The following PHACTR1 variants were observed in gnomAD, a reference collection of about 807,000 sequenced individuals.
PHACTR1 encodes the protein phosphatase and actin regulator 1.
In PHACTR1, 16 loss-of-function variants were observed where a neutral mutation model predicts 69.2. The observed-to-expected ratio is 0.23, with a 90% confidence interval of 0.16 to 0.35. The LOEUF (loss-of-function observed/expected upper bound fraction) is 0.35, where lower values mean the gene tolerates loss of function less well. PHACTR1 is among the 10% of genes least tolerant of loss of function. The pLI is 1.00. For missense variants in PHACTR1, 510 were observed against 734.7 expected, an observed-to-expected ratio of 0.69 and a Z score of 3.54; for synonymous variants, 312 against 284.5, an observed-to-expected ratio of 1.10 and a Z score of -0.97.
chr6:13,205,861 G>T lies in PHACTR1; in HGVS notation c.711G>T (p.Ser237=). 6.3e-7 allele frequency: 1 copy of T among 1,596,172 alleles called. No individual in the cohort carries two copies. Among genetic ancestry groups the T allele is most frequent in the Non-Finnish European group, 8.6e-7 (1 of 1,165,510 alleles). ...VKLPCLPVKL[S]PPLPPKKVMI... ...TGCCTTGTCTGCCAGTGAAACTGTCGCCTCCGCTACCTCCAAAGAAAGTCA... is the reference window on the plus strand; with the variant it reads ...TGCCTTGTCTGCCAGTGAAACTGTCTCCTCCGCTACCTCCAAAGAAAGTCA... Residue 237 remains serine, a synonymous_variant, in exon 8 of 15, where the codon TCG becomes TCT. Transcript: ENST00000332995.
chr6:13,272,744 G>A (rs747107488), intron 10 of PHACTR1, 116 bp from the exon 11 acceptor site: 2 of 1,611,880 alleles, frequency 1.2e-6, no homozygotes, highest in Non-Finnish European at 8.5e-7. Context: ...CAGAGCACAG[G>A]ATGGAACAAG....
intron 4 of PHACTR1, among the ~76,000 whole-genome samples, chr6:13,009,880 C>T (rs1438653802): frequency 6.6e-6 from 1 of 151,802 alleles, no homozygotes; most frequent in East Asian, 1.9e-4. Flanking sequence ...CCACCACCAC[C>T]ACCACCACCA....
chr6:13,138,963 T>G (rs553435816), intron 5 of PHACTR1, among the ~76,000 whole-genome samples: 3 of 152,222 alleles, frequency 2.0e-5, no homozygotes, highest in African/African-American at 7.2e-5. Context: ...TAAGCTTACG[T>G]TGATTTTCAT....
At chr6:12,779,796 T>G (rs1770585005) in intron 4 of PHACTR1, among the ~76,000 whole-genome samples, 1 of 152,248 alleles carries the variant, frequency 6.6e-6, no homozygotes, top group Non-Finnish European at 1.5e-5. Context: ...CAGCTATATA[T>G]ACTTACATTC....
rs577472526 is a variant in PHACTR1, at chr6:13,084,434, T to A, written c.415+30905T>A. ...ATATCCCTAATGCTAAATGACCAGT[T>A]AATGGGTGCAGCATACCAACCTGGC... On this transcript the variant is annotated intron_variant, in intron 5 of 14. Transcript: ENST00000332995. 4.0e-5 allele frequency among the ~76,000 whole-genome samples: 6 copies of A among 150,824 alleles called. No individual in the cohort carries two copies. The South Asian group carries it at 1.1e-3, about 27-fold the overall frequency.
chr6:13,221,926 C>T (rs778462562), intron 8 of PHACTR1, among the ~76,000 whole-genome samples: 20 of 152,032 alleles, frequency 1.3e-4, no homozygotes, highest in Non-Finnish European at 2.5e-4. Flanking sequence ...ATCCCAGCCA[C>T]CTGGGAGGCT....
intron 4 of PHACTR1, among the ~76,000 whole-genome samples, chr6:12,790,411 A>G (rs1294035753): frequency 6.6e-6 from 1 of 152,126 alleles, no homozygotes; most frequent in African/African-American, 2.4e-5. Flanking sequence ...TCCAGGTATC[A>G]TGTAACTCAC....
chr6:13,272,347 G>GA (rs371335695), intron 10 of PHACTR1: 5 of 156,788 alleles, frequency 3.2e-5, no homozygotes, highest in African/African-American at 9.6e-5. Context: ...GAAATAAGAG[G>GA]AGCAGGACCA....
chr6:12,984,992 T>G (rs962332133), intron 4 of PHACTR1, among the ~76,000 whole-genome samples: 2 of 152,270 alleles, frequency 1.3e-5, no homozygotes, highest in Admixed American at 6.5e-5. Flanking sequence ...GAACTGCTTC[T>G]ATACTTGGCA....
intron 5 of PHACTR1, among the ~76,000 whole-genome samples, chr6:13,086,394 G>C (rs1812310744): frequency 6.6e-6 from 1 of 152,036 alleles, no homozygotes; most frequent in South Asian, 2.1e-4. Flanking sequence ...TACAGTTTTA[G>C]GAGTTTGGCA....
chr6:13,174,015 C>T (rs1197785798), intron 6 of PHACTR1, among the ~76,000 whole-genome samples: 1 of 151,778 alleles, frequency 6.6e-6, no homozygotes, highest in Admixed American at 6.5e-5. Context: ...TAGCTATGCC[C>T]CCTTAATGAG....
At chr6:13,166,092 A>G (rs536983379) in intron 6 of PHACTR1, among the ~76,000 whole-genome samples, 1 of 152,126 alleles carries the variant, frequency 6.6e-6, no homozygotes, top group Non-Finnish European at 1.5e-5. Context: ...CTGGCCCTCG[A>G]GGTTTGCGTT....
chr6:12,913,908 T>C (rs1432617882), intron 4 of PHACTR1, among the ~76,000 whole-genome samples: 11 of 152,222 alleles, frequency 7.2e-5, no homozygotes. Context: ...TGAAGCAGAC[T>C]CTGAAGACAC....
At chr6:12,879,738 A>C (rs998736777) in intron 4 of PHACTR1, among the ~76,000 whole-genome samples, 1 of 152,148 alleles carries the variant, frequency 6.6e-6, no homozygotes, top group African/African-American at 2.4e-5. Context: ...CATTTTTTTC[A>C]GATGGTAAAA....
intron 4 of PHACTR1, among the ~76,000 whole-genome samples, chr6:13,034,431 T>G (rs528562198): frequency 1.6e-4 from 25 of 152,330 alleles, no homozygotes; most frequent in Middle Eastern, 3.4e-3. Flanking sequence ...GTTAAAGTAC[T>G]TAATATAGAT....
chr6:12,856,834 T>C (rs768311722), intron 4 of PHACTR1, among the ~76,000 whole-genome samples: 2 of 152,172 alleles, frequency 1.3e-5, no homozygotes, highest in Non-Finnish European at 2.9e-5. Context: ...AAGCCAGAAG[T>C]ACCCAGAGGA....
intron 4 of PHACTR1, among the ~76,000 whole-genome samples, chr6:12,983,745 G>A (rs878997297): frequency 3.9e-5 from 6 of 152,132 alleles, no homozygotes; most frequent in Non-Finnish European, 8.8e-5. Context: ...CCCTTCCTGT[G>A]TCCAAGTGTT....
At chr6:12,921,193 T>C (rs1357774016) in intron 4 of PHACTR1, among the ~76,000 whole-genome samples, 4 of 152,206 alleles carry the variant, frequency 2.6e-5, no homozygotes, top group Non-Finnish European at 5.9e-5. Context: ...TGCCCTGCCA[T>C]GATCACACAA....
At chr6:12,797,953 T>G (rs1773246601) in intron 4 of PHACTR1, among the ~76,000 whole-genome samples, 1 of 151,984 alleles carries the variant, frequency 6.6e-6, no homozygotes, top group Admixed American at 6.6e-5. Context: ...TACATATTTA[T>G]GATACCTACC....
Sources: gnomAD v4.1 joint callset for allele counts (sites outside exome capture counted in the v4.1 genomes callset) on GRCh38, gnomAD v4.1.1 for gene constraint, MANE v1.5 for transcripts, NCBI Gene and HGNC (gene_info 2026-07-23, HGNC 2026-07-21) for gene names.